The following TRIM50 variants were observed in gnomAD, a reference collection of about 807,000 sequenced individuals.
The protein encoded by TRIM50 is E3 ubiquitin-protein ligase TRIM50.
In TRIM50, 34 loss-of-function variants were observed where a neutral mutation model predicts 44.9. The ratio of observed to expected loss-of-function variants is 0.76; its 90% CI spans 0.58 to 1.01. The LOEUF is 1.01. TRIM50 is among the 50% of genes least tolerant of loss of function. The pLI is 0.00. For missense variants in TRIM50, 633 were observed against 663.7 expected (o/e 0.95, Z 0.51); for synonymous variants, 307 against 291.1 (o/e 1.05, Z -0.56).
chr7:73,317,117 G>C (rs1554544215), intron 5 of TRIM50, among the ~76,000 whole-genome samples: 1 of 151,904 alleles, frequency 6.6e-6, no homozygotes, highest in African/African-American at 2.4e-5. Flanking sequence ...GCAGTGGCAT[G>C]ATTTCGACTC....
At chr7:73,315,800 T>A (rs144483571) in intron 6 of TRIM50, among the ~76,000 whole-genome samples, 86 of 152,328 alleles carry the variant, frequency 5.6e-4, no homozygotes, top group African/African-American at 2.0e-3. Context: ...ATAGGTTGGT[T>A]CAAAAGTAAT....
Position 73,312,920 on chromosome 7 carries a change from C to T in TRIM50, c.*1G>A. Reference sequence around the variant, plus strand: ...GTGGGCCGGCAGGACTCCGGGCGGCCCTACAGCTTGGTGGGCTGCTCGGGG... The same window carrying T: ...GTGGGCCGGCAGGACTCCGGGCGGCTCTACAGCTTGGTGGGCTGCTCGGGG... On this transcript the variant is annotated 3_prime_UTR_variant, in exon 7 of 7. Transcript: ENST00000333149. 6.5e-7 allele frequency: 1 copy of T among 1,535,598 alleles called. No homozygotes were observed. The highest frequency in any genetic ancestry group is 8.8e-7 in the Non-Finnish European group (1 of 1,140,782).
intron 6 of TRIM50, chr7:73,315,062 C>A: frequency 3.0e-6 from 1 of 338,268 alleles, no homozygotes; most frequent in South Asian, 2.8e-5. Flanking sequence ...GGAGCTTGGG[C>A]TAAGCTGGTG....
At chr7:73,315,099 CA>C in intron 6 of TRIM50, 1 of 314,366 alleles carries the variant, frequency 3.2e-6, no homozygotes, top group South Asian at 3.3e-5. Context: ...ATTACAACAA[CA>C]AATGTGATGA....
At position 73,328,049 on chromosome 7, in the gene TRIM50, G is replaced by A. The variant is rs183769171; in HGVS notation, c.-168C>T. On this transcript the variant is annotated 5_prime_UTR_variant, in exon 1 of 7. Transcript: ENST00000333149. ...CCCGCACGCTATGGTTACATGCCCC[G>A]CCTCGCGCTACCGCGCGTGCCCCAT... The A allele has an allele frequency of 9.3e-4, 696 of 751,588 alleles. 11 individuals are homozygous for A. In the Admixed American group the frequency reaches 0.013, roughly 14 times the overall value. The allele number at this position is 751,588 out of a possible 1,614,324, so 46.6% of individuals were successfully genotyped here.
chr7:73,315,574 T>C (rs149253672), intron 6 of TRIM50, among the ~76,000 whole-genome samples: 4,993 of 152,198 alleles, frequency 0.033, 280 homozygotes, highest in African/African-American at 0.11. Context: ...AGGCTGGTTT[T>C]GAACTCCTGG....
At chr7:73,315,171 G>A in intron 6 of TRIM50, 1 of 235,996 alleles carries the variant, frequency 4.2e-6, no homozygotes, top group Non-Finnish European at 8.7e-6. Context: ...ACATTGCCAA[G>A]CTCAAAAAGG....
At chr7:73,318,198 G>A (rs781803442) in intron 5 of TRIM50, among the ~76,000 whole-genome samples, 6 of 152,140 alleles carry the variant, frequency 3.9e-5, no homozygotes, top group East Asian at 1.9e-4. Flanking sequence ...GCATGGTCAC[G>A]ACTCACTGCA....
At chr7:73,325,290 G>A (rs1216847882) in intron 1 of TRIM50, among the ~76,000 whole-genome samples, 3 of 152,042 alleles carry the variant, frequency 2.0e-5, no homozygotes, top group African/African-American at 7.3e-5. Context: ...CTTCTTCAGG[G>A]GGTCTCCAGT....
intron 3 of TRIM50, 53 bp downstream of exon 3, chr7:73,320,094 A>G: frequency 6.2e-7 from 1 of 1,613,564 alleles, no homozygotes; most frequent in Non-Finnish European, 8.5e-7. Context: ...TGAGTTCTAC[A>G]GGAAAGTGAA....
In TRIM50 at chr7:73,317,770, G is replaced by A. The variant is rs3888061; in HGVS notation, c.749+917C>T. ...AGGGAGTGAGGAAGGCTTGGGAACT[G>A]CACGTGTTCGTTTGTTGGGTCTAGA... On this transcript the variant is annotated intron_variant, in intron 5 of 6. Transcript: ENST00000333149. 2.1e-3 allele frequency among the ~76,000 whole-genome samples: 319 copies of A among 152,282 alleles called. 15 individuals carry two copies. In the East Asian group the frequency reaches 0.057, roughly 27 times the overall value.
intron 1 of TRIM50, among the ~76,000 whole-genome samples, chr7:73,326,624 A>C (rs1804635241): frequency 6.6e-6 from 1 of 152,050 alleles, no homozygotes; most frequent in African/African-American, 2.4e-5. Flanking sequence ...CACTGTCCTT[A>C]TTACCATGTT....
chr7:73,323,587 C>T (rs1477701676), intron 2 of TRIM50, among the ~76,000 whole-genome samples: 1 of 152,206 alleles, frequency 6.6e-6, no homozygotes, highest in African/African-American at 2.4e-5. Flanking sequence ...GAATGATCTG[C>T]TAGGTTTGGT....
chr7:73,314,224 C>T, intron 6 of TRIM50: 1 of 343,808 alleles, frequency 2.9e-6, no homozygotes, highest in Non-Finnish European at 5.4e-6. Context: ...AGACTTTTGG[C>T]ACTGGACAGG....
chr7:73,324,341 C>T lies in TRIM50; in HGVS notation c.399+48G>A. Reference sequence around the variant, plus strand: ...GTGATGGCACCAGAGAGCACAGGATCTGGTCCCCGCGGGCCTCTCCAGCCG... The same window carrying T: ...GTGATGGCACCAGAGAGCACAGGATTTGGTCCCCGCGGGCCTCTCCAGCCG... On this transcript the variant is annotated intron_variant, in intron 2 of 6. Coordinates refer to ENST00000333149, the MANE Select transcript of TRIM50 (RefSeq NM_178125.3). 1.9e-6 allele frequency: 3 copies of T among 1,613,664 alleles called. No individual in the cohort carries two copies. In the Admixed American group the frequency reaches 5.0e-5, roughly 27 times the overall value.
Position 73,324,643 on chromosome 7 carries a change from C to T in TRIM50, c.145G>A (p.Ala49Thr). 4 of 1,614,242 alleles carry T rather than the reference C, an allele frequency of 2.5e-6. No homozygotes were observed. Among genetic ancestry groups the T allele is most frequent in the Non-Finnish European group, 3.4e-6 (4 of 1,180,038 alleles). Residue 49 changes from alanine to threonine, a missense_variant, in exon 2 of 7, where the codon GCC becomes ACC. Transcript: ENST00000333149. ...CGGCACACGGGGCAGCGCAGCTCGGCATCCAGGTGGCAGGACAGGGAAACC... is the reference window on the plus strand; with the variant it reads ...CGGCACACGGGGCAGCGCAGCTCGGTATCCAGGTGGCAGGACAGGGAAACC... ...CLVSLSCHLD[A>T]ELRCPVCRQA...
At chr7:73,316,016 G>C (rs1804349760) in intron 6 of TRIM50, among the ~76,000 whole-genome samples, 1 of 151,836 alleles carries the variant, frequency 6.6e-6, no homozygotes, top group Non-Finnish European at 1.5e-5. Flanking sequence ...GAGTAGCTGG[G>C]ATTACAGGCG....
chr7:73,323,136 G>A (rs1804533736), intron 2 of TRIM50, among the ~76,000 whole-genome samples: 1 of 152,058 alleles, frequency 6.6e-6, no homozygotes, highest in South Asian at 2.1e-4. Context: ...CTGTCCTTTT[G>A]CCTCACCCTC....
intron 5 of TRIM50, among the ~76,000 whole-genome samples, chr7:73,317,870 T>C (rs1804397123): frequency 3.3e-5 from 5 of 152,110 alleles, no homozygotes. Flanking sequence ...TGCGCAAGGG[T>C]GAGGAGGGTA....
Sources: allele counts gnomAD v4.1 joint callset (sites outside exome capture counted in the v4.1 genomes callset), GRCh38; gene constraint gnomAD v4.1.1; transcripts MANE v1.5; gene names NCBI Gene and HGNC (gene_info 2026-07-23, HGNC 2026-07-21).